The following ANK1 variants were observed in gnomAD, a reference collection of about 807,000 sequenced individuals.
ANK1 encodes ankyrin-1.
In ANK1, 51 loss-of-function variants were observed where a neutral mutation model predicts 210.4. The observed-to-expected ratio is 0.24, with a 90% CI of 0.19 to 0.31. ANK1 has a LOEUF of 0.31. Among genes scored for constraint, ANK1 ranks in the 10% least tolerant of loss-of-function variants. The probability of loss-of-function intolerance (pLI) is 1.00; values close to 1 mark genes in which losing one functional copy is unlikely to be tolerated. For missense variants in ANK1, 2,051 were observed against 2,504.4 expected (o/e 0.82, Z 3.86); for synonymous variants, 967 against 1,025.9 (o/e 0.94, Z 1.10).
At chr8:41,660,415 C>T (rs1807589195) in intron 42 of ANK1, 2 of 469,808 alleles carry the variant, frequency 4.3e-6, no homozygotes, top group Non-Finnish European at 8.8e-6. Flanking sequence ...CATGCCCCCT[C>T]ACCTCCTGCT....
chr8:41,655,858 A>C, intron 42 of ANK1, 105 bp from the exon 43 acceptor site: 2 of 1,343,914 alleles, frequency 1.5e-6, no homozygotes, highest in Non-Finnish European at 2.1e-6. Flanking sequence ...GCCGAATCTG[A>C]CTCAGGAAAA....
Position 41,700,005 on chromosome 8 carries a change from CAA to C in ANK1, c.2462-459_2462-458del, listed in dbSNP as rs546682929. The stretch of plus-strand genomic sequence containing the variant: ...ACCTCATTACTTCCAAAGCCTATCA[CAA>C]AGAGTTTCAAACTACGGGTCAATCG... On this transcript the variant is annotated intron_variant, in intron 22 of 42. Transcript: ENST00000289734. 2.6e-5 allele frequency among the ~76,000 whole-genome samples: 4 copies of C among 152,342 alleles called. No individual in the cohort carries two copies. The South Asian group carries it at 8.3e-4, about 32-fold the overall frequency.
chr8:41,685,046 A>G (rs1293327143), intron 36 of ANK1, among the ~76,000 whole-genome samples: 1 of 152,106 alleles, frequency 6.6e-6, no homozygotes. Flanking sequence ...CTCGTTCCTC[A>G]GCCTCCCGAG....
In ANK1 at chr8:41,818,637, CTTCT is replaced by C. The variant is rs201710157; in HGVS notation, c.127-60504_127-60501del. Among the ~76,000 whole-genome samples the C allele has an allele frequency of 1.3e-3, 199 of 150,186 alleles. 2 individuals carry two copies. In the East Asian group the frequency reaches 0.03, roughly 22 times the overall value. ...TTTCTTTCTCTCTCTCTTTTTCTTT[CTTCT>C]TTCTTTCTTTCTTTCCTTCTTTCTT... is the stretch of plus-strand genomic sequence containing the variant. On this transcript the variant is annotated intron_variant, in intron 1 of 42. Coordinates refer to the ANK1 transcript ENST00000265709.
At chr8:41,752,769 G>C (rs865817124) in intron 2 of ANK1, among the ~76,000 whole-genome samples, 2 of 145,594 alleles carry the variant, frequency 1.4e-5, no homozygotes, top group African/African-American at 5.0e-5. Flanking sequence ...ATGCCCACAC[G>C]TCCCTCCTGC....
chr8:41,825,077 G>A (rs967690104), intron 1 of ANK1, among the ~76,000 whole-genome samples: 3 of 152,236 alleles, frequency 2.0e-5, no homozygotes, highest in South Asian at 4.1e-4. Flanking sequence ...AGGCCACAAC[G>A]GGAGGGAAGT....
At chr8:41,746,480 GCAA>G (rs1311602787) in intron 2 of ANK1, among the ~76,000 whole-genome samples, 1 of 152,160 alleles carries the variant, frequency 6.6e-6, no homozygotes, top group Non-Finnish European at 1.5e-5. Context: ...TTGCTTTGTT[GCAA>G]TCTAACTTTA....
intron 1 of ANK1, among the ~76,000 whole-genome samples, chr8:41,789,632 G>A (rs1847200892): frequency 6.6e-6 from 1 of 152,218 alleles, no homozygotes; most frequent in African/African-American, 2.4e-5. Context: ...GACTAGTGGG[G>A]AGACAGGCAT....
At chr8:41,806,262 G>A (rs1374535454) in intron 1 of ANK1, among the ~76,000 whole-genome samples, 1 of 152,104 alleles carries the variant, frequency 6.6e-6, no homozygotes, top group South Asian at 2.1e-4. Flanking sequence ...TGAGTGGTGG[G>A]GCCCATGTCC....
chr8:41,674,747 C>G (rs115872823), intron 37 of ANK1, among the ~76,000 whole-genome samples: 3 of 152,124 alleles, frequency 2.0e-5, no homozygotes, highest in Admixed American at 2.0e-4. Flanking sequence ...CCCAAATGAG[C>G]GGGGAGGATG....
intron 1 of ANK1, among the ~76,000 whole-genome samples, chr8:41,795,150 A>C (rs1053849625): frequency 2.0e-5 from 3 of 152,248 alleles, no homozygotes. Context: ...TAATCTCAAA[A>C]TAAGTCAGCT....
intron 1 of ANK1, among the ~76,000 whole-genome samples, chr8:41,858,345 CAA>C (rs59851207): frequency 0.27 from 26,454 of 96,636 alleles, 3,063 homozygotes; most frequent in East Asian, 0.67. Flanking sequence ...GACTCCATCT[CAA>C]AAAAAAAAAA....
chr8:41,717,381 T>G (rs999123614), intron 12 of ANK1, among the ~76,000 whole-genome samples: 5 of 152,242 alleles, frequency 3.3e-5, no homozygotes, highest in African/African-American at 1.2e-4. Context: ...TTACAGACGT[T>G]CCAAAATTAT....
intron 1 of ANK1, among the ~76,000 whole-genome samples, chr8:41,782,785 A>C (rs1845606631): frequency 6.6e-6 from 1 of 152,240 alleles, no homozygotes; most frequent in African/African-American, 2.4e-5. Flanking sequence ...CAAGGTGTAA[A>C]TCTGGATCCG....
chr8:41,861,883 A>T (rs1018957923), intron 1 of ANK1, among the ~76,000 whole-genome samples: 1 of 152,176 alleles, frequency 6.6e-6, no homozygotes, highest in Non-Finnish European at 1.5e-5. Context: ...AAACACACTC[A>T]GCCACTTTCA....
chr8:41,749,685 T>C (rs1179410419), intron 2 of ANK1, among the ~76,000 whole-genome samples: 2 of 151,892 alleles, frequency 1.3e-5, no homozygotes, highest in Non-Finnish European at 2.9e-5. Flanking sequence ...CGATCTCAGC[T>C]CACCACATCC....
intron 40 of ANK1, 96 bp downstream of exon 40, chr8:41,663,563 G>A: frequency 7.9e-7 from 1 of 1,258,058 alleles, no homozygotes; most frequent in South Asian, 1.2e-5. Context: ...CTCACCTGCT[G>A]TGAGGGCAGC....
chr8:41,727,292 C>T lies in ANK1; in HGVS notation c.384G>A (p.Lys128=), dbSNP rs758750884. 51 of 1,614,100 alleles carry T rather than the reference C, an allele frequency of 3.2e-5. No homozygotes were observed. In the South Asian group the frequency reaches 5.2e-4, roughly 16 times the overall value. Reference sequence around the variant, plus strand: ...GGTTAGCTCCATTTTCCAGTAAAAACTTAACCACTTCCAAGTGGTTCTCTT... The same window carrying T: ...GGTTAGCTCCATTTTCCAGTAAAAATTTAACCACTTCCAAGTGGTTCTCTT... ...AAQENHLEVV[K]FLLENGANQN... Residue 128 remains lysine (K), a synonymous_variant, in exon 5 of 43, where the codon AAG becomes AAA. Coordinates refer to ENST00000289734, the MANE Select transcript of ANK1 (RefSeq NM_000037.4).
intron 1 of ANK1, among the ~76,000 whole-genome samples, chr8:41,848,965 CTGGAGCT>C (rs893609611): frequency 1.3e-5 from 2 of 152,200 alleles, no homozygotes; most frequent in African/African-American, 4.8e-5. Context: ...CCCCATCCAC[CTGGAGCT>C]TGACCTGCCT....
Sources: allele counts gnomAD v4.1 joint callset (sites outside exome capture counted in the v4.1 genomes callset), GRCh38; gene constraint gnomAD v4.1.1; transcripts MANE v1.5; gene names NCBI Gene and HGNC (gene_info 2026-07-23, HGNC 2026-07-21).